CNTN5: variants seen among roughly 807,000 people sequenced by gnomAD.
The protein encoded by CNTN5 is contactin 5, also known as contactin-5.
A neutral mutation model predicts 129.1 loss-of-function variants in CNTN5; 77 were observed. That is an observed-to-expected ratio of 0.60 (90% CI 0.50 to 0.72). The LOEUF is 0.72. Among genes scored for constraint, CNTN5 ranks in the 30% least tolerant of loss-of-function variants. CNTN5 has a pLI of 0.00. For synonymous variants in CNTN5, 509 were observed against 465.6 expected, an observed-to-expected ratio of 1.09 and a Z score of -1.20; for missense variants, 1,478 against 1,328.8, an observed-to-expected ratio of 1.11 and a Z score of -1.75.
intron 1 of CNTN5, among the ~76,000 whole-genome samples, chr11:99,261,563 T>G (rs2135824716): frequency 6.6e-6 from 1 of 152,178 alleles, no homozygotes; most frequent in South Asian, 2.1e-4. Flanking sequence ...AAATAAATGC[T>G]AATGCCAAAA....
chr11:99,452,581 C>A (rs1447783849), intron 2 of CNTN5, among the ~76,000 whole-genome samples: 1 of 151,918 alleles, frequency 6.6e-6, no homozygotes, highest in Non-Finnish European at 1.5e-5. Context: ...ACTGTGTTAG[C>A]CAGGATGGTC....
At chr11:99,502,330 C>T (rs1946454453) in intron 2 of CNTN5, among the ~76,000 whole-genome samples, 1 of 151,862 alleles carries the variant, frequency 6.6e-6, no homozygotes, top group Admixed American at 6.6e-5. Context: ...GCTTTGTGTC[C>T]CCACCCAAAT....
At chr11:99,969,286 T>C (rs1422885345) in intron 8 of CNTN5, among the ~76,000 whole-genome samples, 7 of 152,164 alleles carry the variant, frequency 4.6e-5, no homozygotes, top group Non-Finnish European at 8.8e-5. Context: ...ATTTCCTATA[T>C]GATTGCCTGT....
rs1391821830 is a variant in CNTN5 at position 99,771,465 on chromosome 11, G to T, written c.56-48079G>T. 4.0e-5 allele frequency among the ~76,000 whole-genome samples: 6 copies of T among 151,868 alleles called. 1 individual carries two copies. The highest frequency in any genetic ancestry group is 9.7e-5 in the African/African-American group (4 of 41,450). On this transcript the variant is annotated intron_variant, in intron 3 of 24. Coordinates refer to ENST00000524871, the MANE Select transcript of CNTN5 (RefSeq NM_014361.4). ...TTTACACACAATGAAATATTATTTG[G>T]CCATAACAAGCAAGAAATTCTGGCA...
intron 2 of CNTN5, among the ~76,000 whole-genome samples, chr11:99,502,067 C>A (rs1946445441): frequency 6.6e-6 from 1 of 152,144 alleles, no homozygotes; most frequent in Admixed American, 6.6e-5. Context: ...ATCTAATCTT[C>A]GGCCTCATAA....
chr11:99,687,712 A>G (rs1025227091), intron 3 of CNTN5, among the ~76,000 whole-genome samples: 1 of 152,316 alleles, frequency 6.6e-6, no homozygotes, highest in East Asian at 1.9e-4. Context: ...ATTATAGGGA[A>G]CATAAGATTC....
At chr11:99,271,627 G>C (rs969557740) in intron 1 of CNTN5, among the ~76,000 whole-genome samples, 1 of 151,770 alleles carries the variant, frequency 6.6e-6, no homozygotes, top group Admixed American at 6.6e-5. Flanking sequence ...TTTTCCATGC[G>C]GATGTGATCC....
At chr11:99,724,155 A>G (rs997921418) in intron 3 of CNTN5, among the ~76,000 whole-genome samples, 10 of 152,096 alleles carry the variant, frequency 6.6e-5, no homozygotes, top group Non-Finnish European at 8.8e-5. Flanking sequence ...GCTCCTCTTC[A>G]GTGCCTGGAG....
At position 99,727,991 on chromosome 11, in the gene CNTN5, T is replaced by C. The variant is rs548351912; in HGVS notation, c.56-91553T>C. Among the ~76,000 whole-genome samples the C allele has an allele frequency of 4.6e-5, 7 of 152,072 alleles. No homozygotes were observed. In the South Asian group the frequency reaches 1.5e-3, roughly 32 times the overall value. On this transcript the variant is annotated intron_variant, in intron 3 of 24. Transcript: ENST00000524871. ...ATTCAGATTGATTACTTAACCACTA[T>C]GGTAATTCGTCTCTGACAATCAACT...
intron 1 of CNTN5, among the ~76,000 whole-genome samples, chr11:99,062,426 G>A (rs545242216): frequency 6.6e-6 from 1 of 152,204 alleles, no homozygotes; most frequent in Admixed American, 6.6e-5. Flanking sequence ...GTAGCATTCT[G>A]ACAGAGAACT....
chr11:99,708,806 C>T lies in CNTN5; in HGVS notation c.56-110738C>T, dbSNP rs538216427. Among the ~76,000 whole-genome samples the T allele has an allele frequency of 1.7e-3, 252 of 151,778 alleles. 1 individual carries two copies. Among genetic ancestry groups the T allele is most frequent in the African/African-American group, 5.7e-3 (236 of 41,462 alleles). ...AAATCCTAGAGTCATTTTTGATCAT[C>T]CTTCTCATTTTCTTTATTCAGAGTT... On this transcript the variant is annotated intron_variant, in intron 3 of 24. Coordinates refer to ENST00000524871, the MANE Select transcript of CNTN5 (RefSeq NM_014361.4).
intron 16 of CNTN5, among the ~76,000 whole-genome samples, chr11:100,227,346 G>T (rs1949398746): frequency 6.6e-6 from 1 of 152,026 alleles, no homozygotes; most frequent in Non-Finnish European, 1.5e-5. Context: ...CACTAAATTG[G>T]AGCACAGGTG....
intron 13 of CNTN5, among the ~76,000 whole-genome samples, chr11:100,175,314 T>TA (rs1343416845): frequency 2.6e-5 from 4 of 152,140 alleles, no homozygotes; most frequent in African/African-American, 4.8e-5. Flanking sequence ...TAATAATATA[T>TA]GCTAGGTCTT....
intron 2 of CNTN5, among the ~76,000 whole-genome samples, chr11:99,419,767 A>G (rs556626353): frequency 6.6e-6 from 1 of 152,284 alleles, no homozygotes; most frequent in African/African-American, 2.4e-5. Flanking sequence ...TGGATTGGCA[A>G]TATTTGTTTC....
intron 13 of CNTN5, among the ~76,000 whole-genome samples, chr11:100,179,525 AAAT>A (rs1334016302): frequency 6.6e-6 from 1 of 152,136 alleles, no homozygotes; most frequent in African/African-American, 2.4e-5. Flanking sequence ...AAAAATAGCC[AAAT>A]AATGAAAATT....
chr11:99,713,231 T>G (rs1955075037), intron 3 of CNTN5, among the ~76,000 whole-genome samples: 1 of 152,122 alleles, frequency 6.6e-6, no homozygotes, highest in Admixed American at 6.6e-5. Flanking sequence ...CTAGGCATTT[T>G]ATTATCTTTG....
chr11:100,235,398 T>C (rs1949589063), intron 16 of CNTN5, among the ~76,000 whole-genome samples: 1 of 152,094 alleles, frequency 6.6e-6, no homozygotes, highest in Admixed American at 6.6e-5. Flanking sequence ...CTGCATAGCT[T>C]CAGGGAGAAT....
At chr11:99,690,403 GTTTC>G (rs1158576450) in intron 3 of CNTN5, among the ~76,000 whole-genome samples, 1 of 151,968 alleles carries the variant, frequency 6.6e-6, no homozygotes, top group Non-Finnish European at 1.5e-5. Flanking sequence ...TTCTTGTTTT[GTTTC>G]TTTGTTTGCT....
At chr11:100,059,443 A>G (rs535749553) in intron 9 of CNTN5, among the ~76,000 whole-genome samples, 15 of 152,274 alleles carry the variant, frequency 9.9e-5, no homozygotes, top group South Asian at 2.1e-4. Flanking sequence ...CTAACAATAC[A>G]CTGGGGAAGA....
Sources: gnomAD v4.1 joint callset for allele counts (sites outside exome capture counted in the v4.1 genomes callset) on GRCh38, gnomAD v4.1.1 for gene constraint, MANE v1.5 for transcripts, NCBI Gene and HGNC (gene_info 2026-07-23, HGNC 2026-07-21) for gene names.